The following ZNF324B variants were observed in gnomAD, a reference collection of about 807,000 sequenced individuals.
ZNF324B encodes zinc finger protein 324B.
ZNF324B carries 7 observed loss-of-function variants against 10.6 expected under a neutral mutation model. The observed-to-expected ratio is 0.66, with a 90% CI of 0.38 to 1.24. ZNF324B has a LOEUF of 1.24. Ranked by LOEUF, ZNF324B falls within the 50% of genes most tolerant of loss-of-function variation. ZNF324B has a pLI of 0.02. For synonymous variants in ZNF324B, 316 were observed against 321.0 expected, an observed-to-expected ratio of 0.98 and a Z score of 0.17; for missense variants, 640 against 764.7, an observed-to-expected ratio of 0.84 and a Z score of 1.92.
chr19:58,433,540 G>T, the ZNF324B span: 4 of 1,614,144 alleles, frequency 2.5e-6, no homozygotes, highest in Admixed American at 3.3e-5. Context: ...ACTGCTAAAG[G>T]CTCTCCCACA....
the ZNF324B span, chr19:58,434,488 T>C: frequency 1.9e-6 from 3 of 1,614,212 alleles, no homozygotes; most frequent in East Asian, 2.2e-5. Flanking sequence ...AATGCACTCA[T>C]AATATTTTAC....
chr19:58,433,990 C>A, the ZNF324B span: 65 of 1,614,022 alleles, frequency 4.0e-5, no homozygotes, highest in East Asian at 1.4e-3. Context: ...TTCAAAAGGC[C>A]GTTCTCCAGT....
At chr19:58,435,371 T>C in the ZNF324B span, 1 of 798,498 alleles carries the variant, frequency 1.3e-6, no homozygotes, top group Non-Finnish European at 1.9e-6. Flanking sequence ...CCCATTACTA[T>C]TGGCAGGATA....
At chr19:58,437,717 A>G in the ZNF324B span, 2 of 985,396 alleles carry the variant, frequency 2.0e-6, no homozygotes, top group African/African-American at 1.7e-5. Context: ...CACCATGCAC[A>G]TGGCATACCT....
At chr19:58,433,947 G>T in the ZNF324B span, 1 of 1,614,192 alleles carries the variant, frequency 6.2e-7, no homozygotes, top group Admixed American at 1.7e-5. Flanking sequence ...TGAGGGTGGA[G>T]CTATTACTGA....
At chr19:58,430,411 A>G in the ZNF324B span, 3 of 152,262 alleles carry the variant, frequency 2.0e-5, no homozygotes, top group Non-Finnish European at 2.9e-5. Flanking sequence ...TTACACAGCA[A>G]TAGGTAACTA....
chr19:58,455,126 G>T lies in ZNF324B; in HGVS notation c.239-57G>T, dbSNP rs2052901567. On this transcript the variant is annotated intron_variant, in intron 3 of 3. Transcript: ENST00000336614. The surrounding 1 kb of genome is among the most constrained non-coding windows in gnomAD (Gnocchi z 7.0). ...TCCCCCTTGCCTGTCCACTCAGCCTGCCCTGGTCCTCTCCTAACCAGGATG... is the reference window on the plus strand; with the variant it reads ...TCCCCCTTGCCTGTCCACTCAGCCTTCCCTGGTCCTCTCCTAACCAGGATG... 6.2e-7 allele frequency: 1 copy of T among 1,611,222 alleles called. No homozygotes were observed. Among genetic ancestry groups the T allele is most frequent in the Non-Finnish European group, 8.5e-7 (1 of 1,178,190 alleles).
At chr19:58,445,545 G>C in the ZNF324B span, 2 of 511,690 alleles carry the variant, frequency 3.9e-6, no homozygotes, top group Non-Finnish European at 3.9e-6. Flanking sequence ...GCCAGGTGTG[G>C]TGGCTCATGC....
intron 3 of ZNF324B, 200 bp from the exon 4 acceptor site, chr19:58,454,983 C>T: frequency 1.3e-6 from 1 of 762,104 alleles, no homozygotes; most frequent in Non-Finnish European, 2.3e-6. Context: ...TCATGGGAGT[C>T]CCCACTGCAG....
At chr19:58,428,710 T>C in the ZNF324B span, 1 of 152,252 alleles carries the variant, frequency 6.6e-6, no homozygotes, top group Admixed American at 6.5e-5. Context: ...TGAGAAGTTC[T>C]GTACACCCTT....
the ZNF324B span, chr19:58,434,268 C>T: frequency 3.1e-6 from 5 of 1,613,120 alleles, no homozygotes; most frequent in Non-Finnish European, 2.5e-6. Flanking sequence ...CTTTCTGATG[C>T]CGAAGGAAAT....
the ZNF324B span, chr19:58,436,218 T>C: frequency 3.9e-5 from 6 of 154,374 alleles, no homozygotes; most frequent in East Asian, 1.2e-3. Context: ...ATGGGACTGC[T>C]AATAGGACCT....
the ZNF324B span, among the ~76,000 whole-genome samples, chr19:58,446,033 G>T: frequency 6.6e-6 from 1 of 152,220 alleles, no homozygotes; most frequent in Admixed American, 6.5e-5. Flanking sequence ...TACTCAGGAG[G>T]CTGAGGCAGG....
At chr19:58,419,284 G>A in the ZNF324B span, 18 of 152,324 alleles carry the variant, frequency 1.2e-4, no homozygotes. Context: ...GCTGTTTCCA[G>A]ATTCAGCTCA....
upstream of ZNF324B, chr19:58,451,582 C>T (rs1279089840): frequency 1.9e-6 from 1 of 516,586 alleles, no homozygotes; most frequent in Non-Finnish European, 3.9e-6. Flanking sequence ...CGTATTGGGG[C>T]AATGTGAGCT....
chr19:58,452,798 T>C, intron 1 of ZNF324B: 1 of 269,678 alleles, frequency 3.7e-6, no homozygotes, highest in Non-Finnish European at 5.7e-6. Context: ...GAAAACCGGC[T>C]GGGGTGCCTG....
At chr19:58,420,418 C>CA in the ZNF324B span, among the ~76,000 whole-genome samples, 1,898 of 134,958 alleles carry the variant, frequency 0.014, 30 homozygotes, top group African/African-American at 0.034. Context: ...GACTCTGTCT[C>CA]AAAAAAAAAA....
At chr19:58,445,427 C>T in the ZNF324B span, 1 of 519,012 alleles carries the variant, frequency 1.9e-6, no homozygotes, top group South Asian at 1.4e-5. Flanking sequence ...GGCCACAGCT[C>T]CTGCCTTGCT....
chr19:58,437,219 A>C, the ZNF324B span: 1 of 1,579,868 alleles, frequency 6.3e-7, no homozygotes, highest in Non-Finnish European at 8.6e-7. Context: ...AAGTATGCTG[A>C]CAAAGAAACA....
Sources: gnomAD v4.1 joint callset for allele counts (sites outside exome capture counted in the v4.1 genomes callset) on GRCh38, gnomAD v4.1.1 for gene constraint, Gnocchi (gnomAD v3.1) non-coding constraint, MANE v1.5 for transcripts, NCBI Gene and HGNC (gene_info 2026-07-23, HGNC 2026-07-21) for gene names.